The following PHACTR3 variants were observed in gnomAD, a reference collection of about 807,000 sequenced individuals.
The protein encoded by PHACTR3 is protein phosphatase 1, regulatory subunit 123.
In PHACTR3, 16 loss-of-function variants were observed where a neutral mutation model predicts 66.8. The ratio of observed to expected loss-of-function variants is 0.24; its 90% CI spans 0.16 to 0.36. The LOEUF (loss-of-function observed/expected upper bound fraction) is 0.36, where lower values mean the gene tolerates loss of function less well. Among genes scored for constraint, PHACTR3 ranks in the 10% least tolerant of loss-of-function variants. The pLI is 1.00. For missense variants in PHACTR3, 647 were observed against 719.9 expected (o/e 0.90, Z 1.16); for synonymous variants, 323 against 292.1 (o/e 1.11, Z -1.08).
Position 59,628,634 on chromosome 20 carries a change from G to A in PHACTR3, c.118+23502G>A, listed in dbSNP as rs576595652. Reference sequence around the variant, plus strand: ...AAAAACACAAAGAAACAAAAAGTACGGGAGAGGATCAGTTCATTCTCCTGA... The same window carrying A: ...AAAAACACAAAGAAACAAAAAGTACAGGAGAGGATCAGTTCATTCTCCTGA... On this transcript the variant is annotated intron_variant, in intron 1 of 12. Coordinates refer to ENST00000371015, the MANE Select transcript of PHACTR3 (RefSeq NM_080672.5). 11 of 985,346 alleles carry A rather than the reference G, an allele frequency of 1.1e-5. 1 individual carries two copies. Among genetic ancestry groups the A allele is most frequent in the Admixed American group, 6.1e-5 (1 of 16,274 alleles). 61.0% of individuals were successfully genotyped at this position (985,346 alleles called of 1,614,324 possible).
intron 7 of PHACTR3, among the ~76,000 whole-genome samples, chr20:59,784,363 G>A (rs546130030): frequency 3.3e-5 from 5 of 152,038 alleles, no homozygotes; most frequent in Non-Finnish European, 5.9e-5. Context: ...GTACAAACAT[G>A]TATGTGTATG....
intron 1 of PHACTR3, among the ~76,000 whole-genome samples, chr20:59,707,661 C>T (rs1433493529): frequency 1.3e-5 from 2 of 151,968 alleles, no homozygotes; most frequent in African/African-American, 4.8e-5. Flanking sequence ...GACAGGGTTT[C>T]ACTATGTTGC....
At position 59,806,181 on chromosome 20, in the gene PHACTR3, A is replaced by C; in HGVS notation, c.1315A>C (p.Met439Leu). ...ERQEIRQQIE[M>L]KLSKRLSQRP... ...ACAGGAGATCCGGCAGCAGATCGAGATGAAGCTTTCCAAGTAAGTGGCAGC... is the reference window on the plus strand; with the variant it reads ...ACAGGAGATCCGGCAGCAGATCGAGCTGAAGCTTTCCAAGTAAGTGGCAGC... Residue 439 changes from methionine to leucine, a missense_variant, in exon 8 of 13, where the codon ATG (methionine) becomes CTG (leucine). By Grantham distance (15) the Met-to-Leu change is conservative (BLOSUM62 2). Coordinates refer to ENST00000371015, the MANE Select transcript of PHACTR3 (RefSeq NM_080672.5). 6.2e-7 allele frequency: 1 copy of C among 1,614,082 alleles called. No homozygotes were observed. The highest frequency in any genetic ancestry group is 8.5e-7 in the Non-Finnish European group (1 of 1,179,964).
chr20:59,632,345 C>T (rs1331156225), intron 1 of PHACTR3, among the ~76,000 whole-genome samples: 1 of 152,168 alleles, frequency 6.6e-6, no homozygotes, highest in Non-Finnish European at 1.5e-5. Context: ...CAGTCTCTGC[C>T]CCTGGTAATT....
rs1023764475 is a variant in PHACTR3 at position 59,605,137 on chromosome 20, C to T, written c.118+5C>T. 3 of 368,852 alleles carry T rather than the reference C, an allele frequency of 8.1e-6. No individual in the cohort carries two copies. The highest frequency in any genetic ancestry group is 2.3e-5 in the African/African-American group (1 of 44,154). The allele number at this position is 368,852 out of a possible 1,614,324, so 22.8% of individuals were successfully genotyped here. ...CGGACGCCGGGGAGAACCCAGGTAA[C>T]GGGCTGGGCGGGGGCGGCGGGCGGG... is the stretch of plus-strand genomic sequence containing the variant. On this transcript the variant is annotated splice_donor_5th_base_variant and intron_variant, in intron 1 of 12. Transcript: ENST00000371015.
chr20:59,649,010 T>G (rs1172458910), intron 1 of PHACTR3, among the ~76,000 whole-genome samples: 1 of 152,216 alleles, frequency 6.6e-6, no homozygotes, highest in Non-Finnish European at 1.5e-5. Context: ...TTTCCTTTGC[T>G]CCATCTAGAT....
At chr20:59,677,804 A>G (rs1337870741) in intron 1 of PHACTR3, among the ~76,000 whole-genome samples, 1 of 152,212 alleles carries the variant, frequency 6.6e-6, no homozygotes, top group Non-Finnish European at 1.5e-5. Flanking sequence ...GATGGTAACC[A>G]CATACACAAT....
At chr20:59,837,709 TAA>T (rs1222080200) in intron 9 of PHACTR3, among the ~76,000 whole-genome samples, 1 of 152,234 alleles carries the variant, frequency 6.6e-6, no homozygotes, top group East Asian at 1.9e-4. Flanking sequence ...TTTTAAAAAT[TAA>T]GTCACTTATT....
At chr20:59,762,301 C>T (rs1007769220) in intron 4 of PHACTR3, among the ~76,000 whole-genome samples, 3 of 152,236 alleles carry the variant, frequency 2.0e-5, no homozygotes, top group African/African-American at 7.2e-5. Flanking sequence ...ATGAGGGGAC[C>T]TCAGAGACTT....
chr20:59,632,945 C>T (rs1435599035), intron 1 of PHACTR3, among the ~76,000 whole-genome samples: 2 of 152,122 alleles, frequency 1.3e-5, no homozygotes, highest in African/African-American at 4.8e-5. Context: ...GGGTGGTTGC[C>T]GGGTGCTGAG....
intron 1 of PHACTR3, among the ~76,000 whole-genome samples, chr20:59,597,567 A>T (rs970889278): frequency 6.6e-6 from 1 of 152,216 alleles, no homozygotes; most frequent in African/African-American, 2.4e-5. Context: ...GGAAAATCAC[A>T]GTTCTACCTG....
At chr20:59,599,437 G>T (rs557004909) in intron 1 of PHACTR3, among the ~76,000 whole-genome samples, 2 of 152,100 alleles carry the variant, frequency 1.3e-5, no homozygotes, top group East Asian at 3.9e-4. Flanking sequence ...TGAGCTAACC[G>T]TCTAAGTGCC....
intron 1 of PHACTR3, among the ~76,000 whole-genome samples, chr20:59,614,925 C>T (rs1187423743): frequency 6.6e-6 from 1 of 152,152 alleles, no homozygotes; most frequent in Non-Finnish European, 1.5e-5. Context: ...CAAATGGTTG[C>T]TGACTTTGGC....
At position 59,614,542 on chromosome 20, in the gene PHACTR3, G is replaced by A. The variant is rs969658975; in HGVS notation, c.118+9410G>A. 3.3e-5 allele frequency among the ~76,000 whole-genome samples: 5 copies of A among 152,304 alleles called. No homozygotes were observed. In the East Asian group the frequency reaches 9.7e-4, roughly 29 times the overall value. ...CTGTAGACTTTGACGTTGATTAGTT[G>A]GCAGCCACGAAATGGATCAGCCCTG... On this transcript the variant is annotated intron_variant, in intron 1 of 12. Coordinates refer to ENST00000371015, the MANE Select transcript of PHACTR3 (RefSeq NM_080672.5).
intron 1 of PHACTR3, among the ~76,000 whole-genome samples, chr20:59,593,955 T>C (rs894153594): frequency 7.9e-5 from 12 of 152,358 alleles, no homozygotes; most frequent in African/African-American, 2.6e-4. Flanking sequence ...ACTTTGTTCT[T>C]CTCCTTCAAC....
chr20:59,728,700 C>T (rs1433519011), intron 1 of PHACTR3, among the ~76,000 whole-genome samples: 4 of 152,072 alleles, frequency 2.6e-5, no homozygotes, highest in South Asian at 2.1e-4. Flanking sequence ...CACAGAACCC[C>T]GTCTTAATCT....
Position 59,841,514 on chromosome 20 carries a change from G to C in PHACTR3, c.1566G>C (p.Thr522=). ...DYDRRADKPW[T]RLSAADKAAI... ...ACAGGAGGGCAGACAAACCCTGGAC[G>C]AGACTGTCAGCAGCAGATAAGGTAC... The change falls in exon 11 of 13, where the codon ACG becomes ACC. Residue 522 remains threonine, a synonymous_variant. Transcript: ENST00000371015. 6.2e-7 allele frequency: 1 copy of C among 1,613,326 alleles called. No individual in the cohort carries two copies. The highest frequency in any genetic ancestry group is 8.5e-7 in the Non-Finnish European group (1 of 1,179,590).
At chr20:59,789,543 A>G (rs1186580007) in intron 7 of PHACTR3, among the ~76,000 whole-genome samples, 1 of 152,250 alleles carries the variant, frequency 6.6e-6, no homozygotes, top group African/African-American at 2.4e-5. Flanking sequence ...TTTGTTCAAA[A>G]CCAAAATGGA....
At chr20:59,743,910 A>G (rs945681708) in intron 2 of PHACTR3, among the ~76,000 whole-genome samples, 2 of 151,502 alleles carry the variant, frequency 1.3e-5, no homozygotes, top group African/African-American at 4.9e-5. Flanking sequence ...AGGTTCCTCC[A>G]CTCACCTCCT....
Sources: allele counts gnomAD v4.1 joint callset (sites outside exome capture counted in the v4.1 genomes callset), GRCh38; gene constraint gnomAD v4.1.1; transcripts MANE v1.5; gene names NCBI Gene and HGNC (gene_info 2026-07-23, HGNC 2026-07-21).